Variants in ATP8B1 observed in about 807,000 individuals in gnomAD.
The protein encoded by ATP8B1 is phospholipid-transporting ATPase IC.
A neutral mutation model predicts 149.9 loss-of-function variants in ATP8B1; 80 were observed. That is an observed-to-expected ratio of 0.53 (90% CI 0.45 to 0.64). The LOEUF is 0.64. ATP8B1 is among the 30% of genes least tolerant of loss of function. The pLI, the probability that ATP8B1 is intolerant of heterozygous loss-of-function variation, is 0.00. For synonymous variants in ATP8B1, 536 were observed against 562.8 expected, an observed-to-expected ratio of 0.95 and a Z score of 0.67; for missense variants, 1,247 against 1,552.6, an observed-to-expected ratio of 0.80 and a Z score of 3.31.
intron 1 of ATP8B1, among the ~76,000 whole-genome samples, chr18:57,796,542 A>C (rs2080517383): frequency 6.6e-6 from 1 of 152,228 alleles, no homozygotes; most frequent in African/African-American, 2.4e-5. Context: ...CTAGTGCCTG[A>C]CTTAGAGGAC....
rs71171079 is a variant in ATP8B1, at chr18:57,736,453, G to GTTTTTTTTTTTTTTTTTTTTTTTTTT, written c.-25-4622_-25-4621insAAAAAAAAAAAAAAAAAAAAAAAAAA. On this transcript the variant is annotated intron_variant, in intron 1 of 27. Transcript: ENST00000648908. ...TTTCTTCTAGTATAAAGTTTTACTA[G>GTTTTTTTTTTTTTTTTTTTTTTTTTT]TTTTTTTTTTTTTTTTTTTTTTTTG... Among the ~76,000 whole-genome samples the GTTTTTTTTTTTTTTTTTTTTTTTTTT allele has an allele frequency of 2.9e-5, 2 of 70,142 alleles. 1 individual carries two copies. Among genetic ancestry groups the GTTTTTTTTTTTTTTTTTTTTTTTTTT allele is most frequent in the Non-Finnish European group, 5.3e-5 (2 of 37,394 alleles). 46.0% of individuals were successfully genotyped at this position (70,142 alleles called of 152,430 possible).
At chr18:57,732,199 G>A (rs192619443) in intron 1 of ATP8B1, among the ~76,000 whole-genome samples, 26 of 38,768 alleles carry the variant, frequency 6.7e-4, no homozygotes, top group East Asian at 3.0e-3. Flanking sequence ...GTATATATGT[G>A]TATATATGTA....
intron 1 of ATP8B1, among the ~76,000 whole-genome samples, chr18:57,775,508 GA>G (rs1390351067): frequency 2.6e-5 from 4 of 152,040 alleles, no homozygotes; most frequent in African/African-American, 9.7e-5. Flanking sequence ...GAAAGAAATA[GA>G]AAGGAGGAAG....
rs1225099181 is a variant in ATP8B1, at chr18:57,648,068, C to T, written c.*420G>A. The T allele has an allele frequency of 6.1e-6, 2 of 327,042 alleles. No individual in the cohort carries two copies. The highest frequency in any genetic ancestry group is 8.5e-5 in the Admixed American group (2 of 23,652). The allele number at this position is 327,042 out of a possible 1,614,324, so 20.3% of individuals were successfully genotyped here. On this transcript the variant is annotated 3_prime_UTR_variant, in exon 28 of 28. Transcript: ENST00000648908. ...GTGGCGCAATCTCGGCTCACTGTAA[C>T]CTCCATCTCCCAGGTTCAAGCGATT...
intron 20 of ATP8B1, among the ~76,000 whole-genome samples, chr18:57,665,468 C>T (rs1052963567): frequency 2.0e-5 from 3 of 152,010 alleles, no homozygotes; most frequent in South Asian, 4.1e-4. Flanking sequence ...AAAAAATAAA[C>T]AAAGCCATAT....
chr18:57,681,483 T>C (rs1911966820), intron 15 of ATP8B1, among the ~76,000 whole-genome samples: 1 of 152,134 alleles, frequency 6.6e-6, no homozygotes, highest in Non-Finnish European at 1.5e-5. Flanking sequence ...TGAGTTACAC[T>C]AATTCACTAC....
In ATP8B1 at chr18:57,794,792, A is replaced by AAAAGAAAGAAAGAAAG. The variant is rs113119274; in HGVS notation, c.-26+8190_-26+8205dup. Among the ~76,000 whole-genome samples, 375 of 148,040 alleles carry AAAAGAAAGAAAGAAAG rather than the reference A, an allele frequency of 2.5e-3. 1 individual carries two copies. Among genetic ancestry groups the AAAAGAAAGAAAGAAAG allele is most frequent in the African/African-American group, 8.9e-3 (351 of 39,654 alleles). On this transcript the variant is annotated intron_variant, in intron 1 of 27. Transcript: ENST00000648908. The stretch of plus-strand genomic sequence containing the variant: ...GGCGACAGAGCGAAACTCCGCCTCA[A>AAAAGAAAGAAAGAAAG]AAAGAAAGAAAGAAAGAAAGAAAGA...
At position 57,802,356 on chromosome 18, in the gene ATP8B1, C is replaced by T. The variant is rs191918422; in HGVS notation, c.-26+642G>A. 6.6e-6 allele frequency among the ~76,000 whole-genome samples: 1 copy of T among 152,242 alleles called. No individual in the cohort carries two copies. The highest frequency in any genetic ancestry group is 2.4e-5 in the African/African-American group (1 of 41,552). On this transcript the variant is annotated intron_variant, in intron 1 of 27. Transcript: ENST00000648908. This position sits in a 1 kb window ranked among gnomAD's most constrained non-coding sequence, Gnocchi z 4.9. ...CTGGCGGACGCGACCCGACAGTCACCGGAAAAACAGTGGTGTCGGTCTTCC... is the reference window on the plus strand; with the variant it reads ...CTGGCGGACGCGACCCGACAGTCACTGGAAAAACAGTGGTGTCGGTCTTCC...
intron 2 of ATP8B1, among the ~76,000 whole-genome samples, chr18:57,720,406 C>A (rs1391400976): frequency 3.3e-5 from 1 of 30,220 alleles, no homozygotes; most frequent in African/African-American, 1.3e-4. Context: ...CTTAAAGGAG[C>A]TGATGGAGCT....
chr18:57,684,019 G>A lies in ATP8B1; in HGVS notation c.1630+17C>T, dbSNP rs1189739489. The A allele has an allele frequency of 6.2e-7, 1 of 1,613,996 alleles. No individual in the cohort carries two copies. The highest frequency in any genetic ancestry group is 8.5e-7 in the Non-Finnish European group (1 of 1,180,008). ...AAACCTGGTCTCTAATGCCTGAGATGCCAGAGAAACACTCACCATCAGTCC... is the reference window on the plus strand; with the variant it reads ...AAACCTGGTCTCTAATGCCTGAGATACCAGAGAAACACTCACCATCAGTCC... On this transcript the variant is annotated intron_variant, in intron 15 of 27. Transcript: ENST00000648908.
At chr18:57,667,931 CAAAGT>C (rs1910978268) in intron 19 of ATP8B1, 1 of 432,524 alleles carries the variant, frequency 2.3e-6, no homozygotes, top group Admixed American at 4.3e-5. Flanking sequence ...GGAAGGCTTA[CAAAGT>C]AAAGTATCAA....
chr18:57,717,565 AAAAAAAAAAAAAAAAAAAAAAAAG>A (rs1358334994), intron 2 of ATP8B1, among the ~76,000 whole-genome samples: 1 of 93,414 alleles, frequency 1.1e-5, no homozygotes, highest in East Asian at 3.8e-4. Context: ...AAAAAAAAAA[AAAAAAAAAAAAAAAAAAAAAAAAG>A]AACTAGAAAA....
At chr18:57,795,987 G>A (rs1226049685) in intron 1 of ATP8B1, among the ~76,000 whole-genome samples, 1 of 151,992 alleles carries the variant, frequency 6.6e-6, no homozygotes, top group East Asian at 1.9e-4. Flanking sequence ...TGGCCAACAT[G>A]GTGAAACCCT....
At chr18:57,739,767 T>G (rs964107181) in intron 1 of ATP8B1, among the ~76,000 whole-genome samples, 2 of 151,684 alleles carry the variant, frequency 1.3e-5, no homozygotes, top group Admixed American at 6.6e-5. Flanking sequence ...TTTTTAGGAG[T>G]CTGAGTCATT....
rs149526643 is a variant in ATP8B1 at position 57,694,453 on chromosome 18, C to A, written c.1029+129G>T. ...AAATCCCTTCTTCCTGCATTTGAAG[C>A]TTGGAGTGCCCAATAATTTTTCTAT... is the stretch of plus-strand genomic sequence containing the variant. On this transcript the variant is annotated intron_variant, in intron 11 of 27. Transcript: ENST00000648908. 59 of 665,396 alleles carry A rather than the reference C, an allele frequency of 8.9e-5. 2 individuals carry two copies. In the South Asian group the frequency reaches 9.8e-4, roughly 11 times the overall value. 41.2% of individuals were successfully genotyped at this position (665,396 alleles called of 1,614,324 possible).
Position 57,647,498 on chromosome 18 carries a change from A to C in ATP8B1, c.*990T>G, listed in dbSNP as rs1909249386. 1 of 152,304 alleles carries C rather than the reference A, an allele frequency of 6.6e-6. No individual in the cohort carries two copies. The highest frequency in any genetic ancestry group is 2.4e-5 in the African/African-American group (1 of 41,454). The allele number at this position is 152,304 out of a possible 1,614,324, so 9.4% of individuals were successfully genotyped here. A position where few individuals can be genotyped will look rare whatever the true frequency, so the allele number is the denominator to read the frequency against. ...TTCAGATGATGAACACTGATAAGTC[A>C]TTTGTCATTACTATAAATTTTAAAA... On this transcript the variant is annotated 3_prime_UTR_variant, in exon 28 of 28. Transcript: ENST00000648908.
intron 1 of ATP8B1, among the ~76,000 whole-genome samples, chr18:57,764,351 TTCTCTCCC>T (rs1599211557): frequency 1.5e-5 from 2 of 134,626 alleles, no homozygotes; most frequent in East Asian, 4.1e-4. Context: ...TTTTCTTTCT[TTCTCTCCC>T]TCTTTCTTTC....
At position 57,731,822 on chromosome 18, in the gene ATP8B1, G is replaced by A. The variant is rs1428711233; in HGVS notation, c.-15C>T. ...TCTGTACTCATTCTGCTGGCAAATT[G>A]GAACTACCTGCTTAAAAGGAAAGAG... On this transcript the variant is annotated 5_prime_UTR_variant, in exon 2 of 28. Coordinates refer to ENST00000648908, the MANE Select transcript of ATP8B1 (RefSeq NM_001374385.1). 2.5e-6 allele frequency: 4 copies of A among 1,613,790 alleles called. No homozygotes were observed. The African/African-American group carries it at 4.0e-5, about 16-fold the overall frequency.
chr18:57,651,661 C>T (rs1909628252), intron 26 of ATP8B1, among the ~76,000 whole-genome samples: 1 of 150,858 alleles, frequency 6.6e-6, no homozygotes, highest in Non-Finnish European at 1.5e-5. Context: ...GAGACAGGGT[C>T]CCGCTCTGTC....
Sources: gnomAD v4.1 joint callset for allele counts (sites outside exome capture counted in the v4.1 genomes callset) on GRCh38, gnomAD v4.1.1 for gene constraint, Gnocchi (gnomAD v3.1) non-coding constraint, MANE v1.5 for transcripts, NCBI Gene and HGNC (gene_info 2026-07-23, HGNC 2026-07-21) for gene names.